Variants in NCALD observed in about 807,000 individuals in gnomAD.
NCALD encodes the protein neurocalcin-delta.
Under a neutral mutation model 18.6 loss-of-function variants are expected in NCALD, and 10 were observed. The ratio of observed to expected loss-of-function variants is 0.54; its 90% CI spans 0.33 to 0.91. The LOEUF (loss-of-function observed/expected upper bound fraction) is 0.91. Ranked by LOEUF, NCALD falls within the 40% of genes least tolerant of loss-of-function variation. NCALD has a pLI of 0.03. For missense variants in NCALD, 184 were observed against 247.6 expected (o/e 0.74, Z 1.72); for synonymous variants, 88 against 87.4 (o/e 1.01, Z -0.04).
chr8:102,077,495 T>G (rs1008714831), intron 1 of NCALD, among the ~76,000 whole-genome samples: 1 of 152,052 alleles, frequency 6.6e-6, no homozygotes, highest in African/African-American at 2.4e-5. Context: ...TCTGTAAAAA[T>G]GAGATAAATT....
intron 1 of NCALD, among the ~76,000 whole-genome samples, chr8:102,106,907 T>G (rs1825475253): frequency 1.3e-5 from 2 of 152,026 alleles, no homozygotes; most frequent in African/African-American, 2.4e-5. Context: ...CCTATGACAC[T>G]TCCTGTGTCA....
chr8:101,696,342 A>T (rs2130046255), intron 2 of NCALD, among the ~76,000 whole-genome samples: 1 of 152,354 alleles, frequency 6.6e-6, no homozygotes, highest in South Asian at 2.1e-4. Context: ...ACCATTGTTG[A>T]GAAAAGTGCT....
intron 2 of NCALD, among the ~76,000 whole-genome samples, chr8:101,704,061 TG>T (rs1395056085): frequency 3.9e-5 from 6 of 152,094 alleles, no homozygotes; most frequent in African/African-American, 1.4e-4. Context: ...GCCTCAGTAG[TG>T]GGAATAATCA....
At chr8:101,733,306 C>A (rs554605288) in intron 1 of NCALD, among the ~76,000 whole-genome samples, 1 of 152,174 alleles carries the variant, frequency 6.6e-6, no homozygotes, top group Non-Finnish European at 1.5e-5. Context: ...TTTGCTCCCC[C>A]CAGCAAGGTG....
At chr8:102,005,997 T>A (rs750069122) in intron 2 of NCALD, among the ~76,000 whole-genome samples, 1 of 151,958 alleles carries the variant, frequency 6.6e-6, no homozygotes, top group Non-Finnish European at 1.5e-5. Context: ...ACCTGCACGT[T>A]GTGCACATGT....
intron 1 of NCALD, among the ~76,000 whole-genome samples, chr8:102,074,973 G>A (rs1323074532): frequency 4.6e-5 from 7 of 152,010 alleles, no homozygotes; most frequent in Non-Finnish European, 7.4e-5. Context: ...AGGTGATAAC[G>A]TGGCTGCTAC....
At chr8:101,813,000 T>C (rs781774044) in intron 4 of NCALD, among the ~76,000 whole-genome samples, 2 of 152,166 alleles carry the variant, frequency 1.3e-5, no homozygotes, top group Non-Finnish European at 2.9e-5. Context: ...TCAGTTCATT[T>C]GTTCATTTTT....
At chr8:101,813,534 T>G (rs567053526) in intron 4 of NCALD, among the ~76,000 whole-genome samples, 27 of 152,266 alleles carry the variant, frequency 1.8e-4, no homozygotes, top group Admixed American at 3.3e-4. Flanking sequence ...TCGAGACCAA[T>G]TTAAAATATT....
At chr8:101,932,878 A>G (rs975655602) in intron 2 of NCALD, among the ~76,000 whole-genome samples, 2 of 152,230 alleles carry the variant, frequency 1.3e-5, no homozygotes, top group African/African-American at 2.4e-5. Flanking sequence ...AATTATAGGC[A>G]GTTCAGATAA....
intron 2 of NCALD, among the ~76,000 whole-genome samples, chr8:101,707,967 G>A (rs1815610126): frequency 6.6e-6 from 1 of 152,162 alleles, no homozygotes; most frequent in Admixed American, 6.5e-5. Flanking sequence ...ATTATTCTAA[G>A]TAGTAAAAGT....
chr8:101,979,791 T>C (rs925824307), intron 2 of NCALD, among the ~76,000 whole-genome samples: 2 of 152,176 alleles, frequency 1.3e-5, no homozygotes, highest in Non-Finnish European at 2.9e-5. Context: ...AAGAAATCCC[T>C]ATCGACAGTG....
At chr8:101,977,453 G>A (rs9297317) in intron 2 of NCALD, among the ~76,000 whole-genome samples, 21,331 of 152,080 alleles carry the variant, frequency 0.14, 2,018 homozygotes, top group African/African-American at 0.26. Flanking sequence ...TAAGTTCCCC[G>A]AAGAAATTTT....
chr8:102,040,953 AG>A (rs1170650210), intron 1 of NCALD, among the ~76,000 whole-genome samples: 1 of 137,412 alleles, frequency 7.3e-6, no homozygotes, highest in African/African-American at 2.9e-5. Context: ...ACCCTGTAAA[AG>A]TTTAAGGGGT....
chr8:101,830,740 CTTTT>C (rs750459094), intron 4 of NCALD, among the ~76,000 whole-genome samples: 3 of 132,052 alleles, frequency 2.3e-5, no homozygotes, highest in African/African-American at 2.8e-5. Context: ...GAGAGGAATA[CTTTT>C]TTTTTTTTTT....
At chr8:101,981,095 T>C (rs1297587424) in intron 2 of NCALD, among the ~76,000 whole-genome samples, 2 of 152,240 alleles carry the variant, frequency 1.3e-5, no homozygotes, top group African/African-American at 2.4e-5. Context: ...TCACTTTTCA[T>C]GGGTTTTATC....
chr8:102,017,333 G>A (rs1210333845), intron 2 of NCALD, among the ~76,000 whole-genome samples: 2 of 151,488 alleles, frequency 1.3e-5, no homozygotes, highest in Non-Finnish European at 2.9e-5. Context: ...TAAATATAAA[G>A]CTTAAAGCTT....
intron 1 of NCALD, among the ~76,000 whole-genome samples, chr8:101,740,224 C>T (rs1563718120): frequency 6.6e-6 from 1 of 152,218 alleles, no homozygotes; most frequent in Non-Finnish European, 1.5e-5. Context: ...CCACTAACAT[C>T]TGCTGAACTA....
chr8:101,809,191 C>T (rs1813217665), intron 4 of NCALD, among the ~76,000 whole-genome samples: 1 of 152,206 alleles, frequency 6.6e-6, no homozygotes, highest in Admixed American at 6.5e-5. Context: ...TGGTAATGTT[C>T]ATGCAAAGAC....
intron 4 of NCALD, among the ~76,000 whole-genome samples, chr8:101,834,307 C>T (rs563373763): frequency 6.6e-6 from 1 of 152,388 alleles, no homozygotes; most frequent in South Asian, 2.1e-4. Context: ...GCTGGCCTCA[C>T]CCAGCTGCCC....
Sources: gnomAD v4.1 joint callset for allele counts (sites outside exome capture counted in the v4.1 genomes callset) on GRCh38, gnomAD v4.1.1 for gene constraint, MANE v1.5 for transcripts, NCBI Gene and HGNC (gene_info 2026-07-23, HGNC 2026-07-21) for gene names.